The following OR14A2 variants were observed in gnomAD, a reference collection of about 807,000 sequenced individuals.
The protein encoded by OR14A2 is olfactory receptor 14A2.
For missense variants in OR14A2, 237 were observed against 152.9 expected, an observed-to-expected ratio of 1.55 and a Z score of -2.90; for synonymous variants, 114 against 58.6, an observed-to-expected ratio of 1.95 and a Z score of -4.32.
exon 1 of OR14A2, chr1:247,723,950 T>C: frequency 1.4e-6 from 1 of 716,618 alleles, no homozygotes; most frequent in Non-Finnish European, 2.6e-6. Flanking sequence ...GCCAGGTAAA[T>C]CAGTAGGAAG....
the OR14A2 span, among the ~76,000 whole-genome samples, chr1:247,740,720 G>A: frequency 1.3e-5 from 2 of 152,108 alleles, no homozygotes; most frequent in African/African-American, 4.8e-5. Flanking sequence ...TGCTGCAGGA[G>A]ACAATCGTCG....
At chr1:247,734,240 G>A in the OR14A2 span, among the ~76,000 whole-genome samples, 1 of 152,154 alleles carries the variant, frequency 6.6e-6, no homozygotes, top group Non-Finnish European at 1.5e-5. Flanking sequence ...GGGCACGCAT[G>A]CACAGAGACG....
upstream of OR14A2, among the ~76,000 whole-genome samples, chr1:247,728,450 A>G (rs1288044122): frequency 6.6e-6 from 1 of 152,064 alleles, no homozygotes; most frequent in Non-Finnish European, 1.5e-5. Context: ...ATCTATGACA[A>G]ACCCACAGCC....
chr1:247,725,080 A>G (rs541408810), upstream of OR14A2, among the ~76,000 whole-genome samples: 116 of 152,178 alleles, frequency 7.6e-4, no homozygotes, highest in African/African-American at 2.7e-3. Flanking sequence ...CAGAAAAAGA[A>G]CAAATAAATT....
chr1:247,739,522 T>C, the OR14A2 span: 1 of 780,540 alleles, frequency 1.3e-6, no homozygotes, highest in Admixed American at 1.7e-5. Context: ...AGTAAAGTCC[T>C]GTGGAATGTT....
the OR14A2 span, among the ~76,000 whole-genome samples, chr1:247,729,598 T>C: frequency 6.6e-6 from 1 of 152,132 alleles, no homozygotes; most frequent in Non-Finnish European, 1.5e-5. Context: ...GAACATGGTT[T>C]TGTTTTTCAT....
At chr1:247,740,246 G>A in the OR14A2 span, among the ~76,000 whole-genome samples, 1 of 152,000 alleles carries the variant, frequency 6.6e-6, no homozygotes, top group Admixed American at 6.6e-5. Flanking sequence ...CTGCTTTATT[G>A]TCCTAGATTT....
chr1:247,723,303 A>T, exon 1 of OR14A2: 2 of 717,552 alleles, frequency 2.8e-6, no homozygotes, highest in Non-Finnish European at 5.2e-6. Context: ...TGATAAAAAC[A>T]GTGAAAACAG....
upstream of OR14A2, among the ~76,000 whole-genome samples, chr1:247,728,550 C>T (rs975681454): frequency 6.6e-6 from 1 of 151,998 alleles, no homozygotes. Flanking sequence ...TCCTATTCAA[C>T]ATAGTGTTGG....
the OR14A2 span, among the ~76,000 whole-genome samples, chr1:247,743,859 T>C: frequency 6.6e-6 from 1 of 152,184 alleles, no homozygotes; most frequent in African/African-American, 2.4e-5. Context: ...TCTTTTTCTG[T>C]TTCATTGAAG....
chr1:247,745,476 G>A, the OR14A2 span, among the ~76,000 whole-genome samples: 1 of 151,196 alleles, frequency 6.6e-6, no homozygotes. Flanking sequence ...TCTTCCCTAA[G>A]CAAAACCCCA....
chr1:247,745,458 G>T, the OR14A2 span, among the ~76,000 whole-genome samples: 2 of 150,518 alleles, frequency 1.3e-5, no homozygotes, highest in African/African-American at 4.9e-5. Context: ...GTAAAGGAGA[G>T]AAAAAAATCT....
upstream of OR14A2, among the ~76,000 whole-genome samples, chr1:247,726,974 C>G (rs1572473141): frequency 6.8e-6 from 1 of 147,696 alleles, no homozygotes; most frequent in South Asian, 2.1e-4. Flanking sequence ...TGTGATGCCT[C>G]CAGCTTTGTT....
the OR14A2 span, chr1:247,738,866 C>A: frequency 1.3e-6 from 1 of 780,780 alleles, no homozygotes; most frequent in South Asian, 1.3e-5. Context: ...TCAACTCTGT[C>A]GCCTCCACTG....
At chr1:247,729,019 G>A (rs1195464414), upstream of OR14A2, among the ~76,000 whole-genome samples, 1 of 152,054 alleles carries the variant, frequency 6.6e-6, no homozygotes, top group East Asian at 1.9e-4. Flanking sequence ...TCACATGGAA[G>A]GATGCATACT....
At chr1:247,740,065 T>G in the OR14A2 span, among the ~76,000 whole-genome samples, 2 of 152,312 alleles carry the variant, frequency 1.3e-5, no homozygotes, top group African/African-American at 4.8e-5. Flanking sequence ...TAATTAAAGT[T>G]TTCCTATGAC....
the OR14A2 span, among the ~76,000 whole-genome samples, chr1:247,747,340 T>G: frequency 1.3e-5 from 2 of 151,154 alleles, no homozygotes; most frequent in African/African-American, 4.9e-5. Flanking sequence ...CTTCTAACCA[T>G]GAACTGCTAA....
chr1:247,738,133 GGA>G, the OR14A2 span, among the ~76,000 whole-genome samples: 1 of 152,012 alleles, frequency 6.6e-6, no homozygotes, highest in Non-Finnish European at 1.5e-5. Flanking sequence ...AGTGAGAAGG[GGA>G]TAGTAAATTA....
At chr1:247,741,148 G>A in the OR14A2 span, among the ~76,000 whole-genome samples, 1 of 152,074 alleles carries the variant, frequency 6.6e-6, no homozygotes, top group African/African-American at 2.4e-5. Flanking sequence ...CTAAACTCTT[G>A]TATGTCATTG....
Sources: gnomAD v4.1 joint callset for allele counts (sites outside exome capture counted in the v4.1 genomes callset) on GRCh38, gnomAD v4.1.1 for gene constraint, MANE v1.5 for transcripts, NCBI Gene and HGNC (gene_info 2026-07-23, HGNC 2026-07-21) for gene names.